Variants in RHBDL2 observed in about 807,000 individuals in gnomAD.
The protein encoded by RHBDL2 is rhomboid like 2, also known as rhomboid-related protein 2.
In RHBDL2, 26 loss-of-function variants were observed where a neutral mutation model predicts 31.7. The ratio of observed to expected loss-of-function variants is 0.82; its 90% CI spans 0.60 to 1.14. The LOEUF (loss-of-function observed/expected upper bound fraction) is 1.14. Among genes scored for constraint, RHBDL2 ranks in the 50% most tolerant of loss-of-function variants. The probability of loss-of-function intolerance (pLI) is 0.00; values close to 1 mark genes in which losing one functional copy is unlikely to be tolerated. For synonymous variants in RHBDL2, 123 were observed against 127.2 expected (o/e 0.97, Z 0.22); for missense variants, 336 against 364.4 (o/e 0.92, Z 0.63).
intron 6 of RHBDL2, among the ~76,000 whole-genome samples, chr1:38,890,692 T>C (rs1400317535): frequency 6.6e-6 from 1 of 151,548 alleles, no homozygotes; most frequent in Non-Finnish European, 1.5e-5. Context: ...TTTAAAAGAG[T>C]TGCCTTCATA....
At chr1:38,920,093 T>C (rs1262628833) in intron 1 of RHBDL2, among the ~76,000 whole-genome samples, 1 of 151,696 alleles carries the variant, frequency 6.6e-6, no homozygotes, top group Non-Finnish European at 1.5e-5. Flanking sequence ...ATATTTCACA[T>C]AAATGAAATC....
intron 1 of RHBDL2, among the ~76,000 whole-genome samples, chr1:38,923,316 T>C (rs1051303592): frequency 6.6e-6 from 1 of 152,218 alleles, no homozygotes; most frequent in Non-Finnish European, 1.5e-5. Flanking sequence ...AGGATATTCA[T>C]GCAGAACTAT....
At chr1:38,931,452 G>A (rs1391722770) in intron 1 of RHBDL2, among the ~76,000 whole-genome samples, 1 of 151,890 alleles carries the variant, frequency 6.6e-6, no homozygotes, top group African/African-American at 2.4e-5. Flanking sequence ...ACCCAGGAAG[G>A]CAGAGCTTGC....
intron 1 of RHBDL2, among the ~76,000 whole-genome samples, chr1:38,933,017 T>C (rs987857209): frequency 1.3e-5 from 2 of 152,190 alleles, no homozygotes; most frequent in Non-Finnish European, 2.9e-5. Flanking sequence ...AATCAGAGTG[T>C]ATTAACTCTC....
chr1:38,915,430 C>A (rs1010109610), intron 3 of RHBDL2, 132 bp downstream of exon 3: 6 of 863,648 alleles, frequency 6.9e-6, no homozygotes, highest in Middle Eastern at 6.5e-4. Context: ...GGGAGCAATA[C>A]CTACCCCTTA....
At chr1:38,913,490 C>T (rs999318426) in intron 3 of RHBDL2, 2 of 151,504 alleles carry the variant, frequency 1.3e-5, no homozygotes, top group Non-Finnish European at 2.9e-5. Flanking sequence ...AAAGTGTCAT[C>T]CTTTCTATTT....
At chr1:38,918,280 C>A (rs1643264781) in intron 2 of RHBDL2, among the ~76,000 whole-genome samples, 1 of 152,172 alleles carries the variant, frequency 6.6e-6, no homozygotes, top group Non-Finnish European at 1.5e-5. Flanking sequence ...ACATTAGGAA[C>A]TTCCTAATGC....
intron 4 of RHBDL2, among the ~76,000 whole-genome samples, chr1:38,897,276 GT>G (rs1642930667): frequency 6.6e-6 from 1 of 151,878 alleles, no homozygotes; most frequent in African/African-American, 2.4e-5. Context: ...AATTTTTTGT[GT>G]TTTTAGTAGA....
At chr1:38,891,484 C>T (rs542054499) in intron 6 of RHBDL2, among the ~76,000 whole-genome samples, 1 of 152,134 alleles carries the variant, frequency 6.6e-6, no homozygotes, top group South Asian at 2.1e-4. Context: ...CCCCGTATCT[C>T]AGGTGACAAC....
In RHBDL2 at chr1:38,915,724, C is replaced by A. The variant is rs751940722; in HGVS notation, c.247-14G>T. The stretch of plus-strand genomic sequence containing the variant: ...AAACACTGCCAGCTGATGGAGGGAG[C>A]AGACATGAGTATTAACCACACCTTC... On this transcript the variant is annotated splice_polypyrimidine_tract_variant and intron_variant, in intron 2 of 7. Coordinates refer to ENST00000372990, the MANE Select transcript of RHBDL2 (RefSeq NM_017821.5). 6.2e-7 allele frequency: 1 copy of A among 1,613,818 alleles called. No individual in the cohort carries two copies. The highest frequency in any genetic ancestry group is 1.7e-5 in the Admixed American group (1 of 60,010).
chr1:38,905,470 C>T (rs192525087), intron 4 of RHBDL2, among the ~76,000 whole-genome samples: 93 of 151,928 alleles, frequency 6.1e-4, no homozygotes, highest in Admixed American at 1.2e-3. Context: ...TTACAGTTGG[C>T]TGGGCATGGT....
At chr1:38,934,847 A>C (rs547856775) in intron 1 of RHBDL2, among the ~76,000 whole-genome samples, 52 of 151,674 alleles carry the variant, frequency 3.4e-4, no homozygotes, top group Non-Finnish European at 7.1e-4. Flanking sequence ...AATCCCAGCT[A>C]TTTGAGAGAC....
intron 1 of RHBDL2, among the ~76,000 whole-genome samples, chr1:38,937,141 G>T (rs1643519609): frequency 6.7e-6 from 1 of 149,760 alleles, no homozygotes; most frequent in Non-Finnish European, 1.5e-5. Context: ...TAGAGACAGG[G>T]TTTCACCATA....
At chr1:38,925,508 T>G (rs895936866) in intron 1 of RHBDL2, among the ~76,000 whole-genome samples, 5 of 149,888 alleles carry the variant, frequency 3.3e-5, no homozygotes, top group African/African-American at 1.3e-4. Flanking sequence ...CAGAGTGAGA[T>G]TCTGTCTCAA....
chr1:38,888,674 A>G (rs1642816389), intron 6 of RHBDL2, among the ~76,000 whole-genome samples: 1 of 152,196 alleles, frequency 6.6e-6, no homozygotes, highest in Non-Finnish European at 1.5e-5. Flanking sequence ...AGTAGTTTTC[A>G]AAGTGGTTTT....
chr1:38,929,315 G>C (rs1022833734), intron 1 of RHBDL2: 33 of 1,023,450 alleles, frequency 3.2e-5, no homozygotes, highest in Non-Finnish European at 3.8e-5. Context: ...GCTACGACGA[G>C]GACTCTAGGT....
In RHBDL2 at chr1:38,919,108, T is replaced by TC; in HGVS notation, c.104dup (p.Gly36ArgfsTer2). The TC allele has an allele frequency of 2.5e-6, 4 of 1,614,038 alleles. No individual in the cohort carries two copies. The highest frequency in any genetic ancestry group is 3.4e-6 in the Non-Finnish European group (4 of 1,180,016). On this transcript the variant is annotated frameshift_variant, in exon 2 of 8. Coordinates refer to ENST00000372990, the MANE Select transcript of RHBDL2 (RefSeq NM_017821.5). LOFTEE classifies it high-confidence loss of function. Reference sequence around the variant, plus strand: ...TTTTACTCTTGGCCCGATCTTTACCTCCCCCATCCTCTCTCATTTTCTCCT... The same window carrying TC: ...TTTTACTCTTGGCCCGATCTTTACCTCCCCCCATCCTCTCTCATTTTCTCCT...
chr1:38,925,822 C>T, intron 1 of RHBDL2: 1 of 424,104 alleles, frequency 2.4e-6, no homozygotes, highest in Non-Finnish European at 3.6e-6. Context: ...TCACTGCATG[C>T]AAACTACATA....
chr1:38,890,748 A>C (rs1642843694), intron 6 of RHBDL2, among the ~76,000 whole-genome samples: 1 of 151,272 alleles, frequency 6.6e-6, no homozygotes, highest in African/African-American at 2.4e-5. Context: ...TGCCCAGGCT[A>C]GACTACAGTG....
Sources: allele counts gnomAD v4.1 joint callset (sites outside exome capture counted in the v4.1 genomes callset), GRCh38; gene constraint gnomAD v4.1.1; transcripts MANE v1.5; gene names NCBI Gene and HGNC (gene_info 2026-07-23, HGNC 2026-07-21).